Variants in ATF6 observed in about 807,000 individuals in gnomAD.
ATF6 encodes activating transcription factor 6.
Under a neutral mutation model 83.6 loss-of-function variants are expected in ATF6, and 53 were observed. The ratio of observed to expected loss-of-function variants is 0.63; its 90% CI spans 0.51 to 0.80. The LOEUF is 0.80. Ranked by LOEUF, ATF6 falls within the 30% of genes least tolerant of loss-of-function variation. The pLI is 0.00. For synonymous variants in ATF6, 288 were observed against 285.8 expected, an observed-to-expected ratio of 1.01 and a Z score of -0.08; for missense variants, 744 against 797.9, an observed-to-expected ratio of 0.93 and a Z score of 0.81.
At chr1:161,927,028 A>G (rs1159500854) in intron 15 of ATF6, among the ~76,000 whole-genome samples, 1 of 152,160 alleles carries the variant, frequency 6.6e-6, no homozygotes, top group Non-Finnish European at 1.5e-5. Context: ...CACTATGCCA[A>G]GTAATGTACA....
chr1:161,797,354 C>T (rs1685045930), intron 6 of ATF6, among the ~76,000 whole-genome samples: 2 of 152,000 alleles, frequency 1.3e-5, no homozygotes, highest in African/African-American at 4.8e-5. Flanking sequence ...TAAAAGGCAT[C>T]CAAATAGGAA....
chr1:161,825,588 G>C (rs1685875090), intron 9 of ATF6, among the ~76,000 whole-genome samples: 1 of 152,176 alleles, frequency 6.6e-6, no homozygotes, highest in Non-Finnish European at 1.5e-5. Context: ...TTATTATAAA[G>C]GATATGTGGG....
chr1:161,792,416 T>G (rs1398218610), intron 6 of ATF6, 89 bp downstream of exon 6: 5 of 1,277,160 alleles, frequency 3.9e-6, no homozygotes, highest in Non-Finnish European at 5.5e-6. Context: ...AGGTTATAAT[T>G]TCTGAGCACG....
chr1:161,819,379 G>A (rs1685694417), intron 7 of ATF6, among the ~76,000 whole-genome samples: 1 of 152,130 alleles, frequency 6.6e-6, no homozygotes, highest in Non-Finnish European at 1.5e-5. Flanking sequence ...GGGAAAATTG[G>A]AAGATTAATA....
chr1:161,899,602 G>A (rs1474660264), intron 14 of ATF6, among the ~76,000 whole-genome samples: 2 of 151,914 alleles, frequency 1.3e-5, no homozygotes, highest in African/African-American at 2.4e-5. Context: ...GTCTTATTTG[G>A]TAGTAAATAT....
At chr1:161,914,886 C>T (rs987887769) in intron 15 of ATF6, among the ~76,000 whole-genome samples, 1 of 152,202 alleles carries the variant, frequency 6.6e-6, no homozygotes, top group Admixed American at 6.5e-5. Context: ...GCTCTTCTCT[C>T]TATGCCTGCT....
intron 13 of ATF6, among the ~76,000 whole-genome samples, 192 bp downstream of exon 13, chr1:161,860,469 G>A (rs1370947927): frequency 6.6e-6 from 1 of 151,008 alleles, no homozygotes; most frequent in African/African-American, 2.4e-5. Flanking sequence ...AATAAAGCCA[G>A]ATAATTTCAA....
intron 9 of ATF6, among the ~76,000 whole-genome samples, chr1:161,832,440 G>A (rs973666340): frequency 6.6e-6 from 1 of 152,190 alleles, no homozygotes; most frequent in Non-Finnish European, 1.5e-5. Flanking sequence ...CCGTGCATGA[G>A]CTGAAGCAGG....
rs1484032275 is a variant in ATF6 at position 161,777,940 on chromosome 1, A to AAT, written c.83-304_83-303insAT. On this transcript the variant is annotated intron_variant, in intron 1 of 15. Coordinates refer to ENST00000367942, the MANE Select transcript of ATF6 (RefSeq NM_007348.4). The stretch of plus-strand genomic sequence containing the variant: ...AACTCTTCATGCTGAACCCAGATGT[A>AAT]GCATCAGAATTCTTGTTAGTAATGT... 6.6e-5 allele frequency among the ~76,000 whole-genome samples: 10 copies of AAT among 152,332 alleles called. No individual in the cohort carries two copies. In the East Asian group the frequency reaches 1.9e-3, roughly 29 times the overall value.
At chr1:161,860,806 C>G (rs1686867116) in intron 13 of ATF6, among the ~76,000 whole-genome samples, 2 of 152,004 alleles carry the variant, frequency 1.3e-5, no homozygotes, top group African/African-American at 4.8e-5. Flanking sequence ...AGCTGTTTTA[C>G]TTACAATGCA....
At chr1:161,789,975 T>C (rs1005423476) in intron 4 of ATF6, among the ~76,000 whole-genome samples, 1 of 152,178 alleles carries the variant, frequency 6.6e-6, no homozygotes, top group Non-Finnish European at 1.5e-5. Flanking sequence ...TGAGAGCATT[T>C]CTTTCTCCCA....
chr1:161,826,882 G>A (rs992508430), intron 9 of ATF6, among the ~76,000 whole-genome samples: 2 of 151,558 alleles, frequency 1.3e-5, no homozygotes, highest in Non-Finnish European at 2.9e-5. Flanking sequence ...GTTGGGAATT[G>A]AGATGTTTCA....
intron 14 of ATF6, among the ~76,000 whole-genome samples, chr1:161,865,636 G>A (rs935638527): frequency 6.6e-6 from 1 of 152,116 alleles, no homozygotes; most frequent in Non-Finnish European, 1.5e-5. Flanking sequence ...GTTCATTCAG[G>A]AAGACTGTTA....
chr1:161,853,119 T>A, intron 11 of ATF6, 105 bp from the exon 12 acceptor site: 1 of 808,366 alleles, frequency 1.2e-6, no homozygotes. Flanking sequence ...TGGAATGCTC[T>A]TTGGAACCTA....
At chr1:161,815,587 A>G (rs919302829) in intron 7 of ATF6, among the ~76,000 whole-genome samples, 1 of 152,112 alleles carries the variant, frequency 6.6e-6, no homozygotes, top group South Asian at 2.1e-4. Context: ...ATTAATAAAA[A>G]GAGACTATAA....
At chr1:161,907,746 A>G (rs1261321086) in intron 14 of ATF6, among the ~76,000 whole-genome samples, 1 of 152,146 alleles carries the variant, frequency 6.6e-6, no homozygotes, top group African/African-American at 2.4e-5. Flanking sequence ...ATTTCATTTG[A>G]TTATATTAAT....
At chr1:161,912,013 A>G (rs1688001274) in intron 14 of ATF6, among the ~76,000 whole-genome samples, 1 of 152,156 alleles carries the variant, frequency 6.6e-6, no homozygotes, top group African/African-American at 2.4e-5. Flanking sequence ...CTGCTTGACC[A>G]GTATTCTTTA....
chr1:161,851,233 A>AACACACACACAC lies in ATF6; in HGVS notation c.1320-458_1320-447dup, dbSNP rs60202873. 5.6e-3 allele frequency among the ~76,000 whole-genome samples: 425 copies of AACACACACACAC among 75,430 alleles called. 3 individuals carry two copies. Among genetic ancestry groups the AACACACACACAC allele is most frequent in the East Asian group, 0.012 (40 of 3,462 alleles). The allele number at this position is 75,430 out of a possible 152,430, so 49.5% of individuals were successfully genotyped here. A position where few individuals can be genotyped will look rare whatever the true frequency, so the allele number is the denominator to read the frequency against. The stretch of plus-strand genomic sequence containing the variant: ...TAGAATTGTGTCTCACCCTATCCTT[A>AACACACACACAC]ACACACACACACACACACACACACA... On this transcript the variant is annotated intron_variant, in intron 10 of 15. Coordinates refer to ENST00000367942, the MANE Select transcript of ATF6 (RefSeq NM_007348.4).
chr1:161,872,686 A>G (rs1391489240), intron 14 of ATF6, among the ~76,000 whole-genome samples: 1 of 150,644 alleles, frequency 6.6e-6, no homozygotes, highest in Non-Finnish European at 1.5e-5. Flanking sequence ...AATGAAAGAA[A>G]CTCATTTGTC....
Sources: gnomAD v4.1 joint callset for allele counts (sites outside exome capture counted in the v4.1 genomes callset) on GRCh38, gnomAD v4.1.1 for gene constraint, MANE v1.5 for transcripts, NCBI Gene and HGNC (gene_info 2026-07-23, HGNC 2026-07-21) for gene names.